The following TMTC2 variants were observed in gnomAD, a reference collection of about 807,000 sequenced individuals.
TMTC2 encodes transmembrane O-mannosyltransferase targeting cadherins 2.
A neutral mutation model predicts 82.4 loss-of-function variants in TMTC2; 43 were observed. The observed-to-expected ratio is 0.52, with a 90% CI of 0.41 to 0.67. The LOEUF is 0.67. Among genes scored for constraint, TMTC2 ranks in the 30% least tolerant of loss-of-function variants. TMTC2 has a pLI of 0.00. For missense variants in TMTC2, 919 were observed against 1,012.4 expected (o/e 0.91, Z 1.25); for synonymous variants, 408 against 381.9 (o/e 1.07, Z -0.80).
At chr12:83,122,841 T>C (rs996675162) in intron 11 of TMTC2, among the ~76,000 whole-genome samples, 2 of 152,206 alleles carry the variant, frequency 1.3e-5, no homozygotes, top group Non-Finnish European at 2.9e-5. Context: ...CTGCCTCCCG[T>C]CTGCCATGAT....
At chr12:82,714,236 T>C (rs1323638315) in intron 1 of TMTC2, among the ~76,000 whole-genome samples, 1 of 152,248 alleles carries the variant, frequency 6.6e-6, no homozygotes, top group African/African-American at 2.4e-5. Context: ...TTTATGGTGA[T>C]GGTTGCACCA....
chr12:82,873,266 A>G (rs1397096708), intron 2 of TMTC2, among the ~76,000 whole-genome samples: 2 of 146,842 alleles, frequency 1.4e-5, no homozygotes, highest in Non-Finnish European at 3.0e-5. Context: ...TCCAAGTTTA[A>G]CAGGATCTGT....
intron 1 of TMTC2, among the ~76,000 whole-genome samples, chr12:82,757,552 G>A (rs1018924978): frequency 5.9e-5 from 9 of 152,130 alleles, no homozygotes; most frequent in African/African-American, 1.9e-4. Context: ...AATCCAGCCT[G>A]TACAGTGCTT....
Position 82,687,555 on chromosome 12 carries a change from G to C in TMTC2, c.-32G>C, listed in dbSNP as rs1872377517. 3 of 1,580,562 alleles carry C rather than the reference G, an allele frequency of 1.9e-6. No individual in the cohort carries two copies. In the East Asian group the frequency reaches 6.8e-5, roughly 36 times the overall value. ...TTGTTGCCGCTGCTGCCCTCGCGCT[G>C]GGAGCCGAGCCGGAGGGAAGGCGGT... is the stretch of plus-strand genomic sequence containing the variant. On this transcript the variant is annotated 5_prime_UTR_variant, in exon 1 of 12. Coordinates refer to ENST00000321196, the MANE Select transcript of TMTC2 (RefSeq NM_152588.3).
intron 11 of TMTC2, among the ~76,000 whole-genome samples, chr12:83,118,994 T>A (rs376367227): frequency 6.6e-5 from 10 of 152,330 alleles, no homozygotes; most frequent in East Asian, 5.8e-4. Context: ...GTAGTGTCAG[T>A]TGTAATATCT....
intron 1 of TMTC2, among the ~76,000 whole-genome samples, chr12:82,696,194 C>T (rs1347080916): frequency 6.6e-6 from 1 of 151,974 alleles, no homozygotes; most frequent in Non-Finnish European, 1.5e-5. Flanking sequence ...CTTAATCAGG[C>T]AAAAAGACAT....
At position 82,794,932 on chromosome 12, in the gene TMTC2, A is replaced by C. The variant is rs139201345; in HGVS notation, c.84-62078A>C. Among the ~76,000 whole-genome samples, 537 of 152,268 alleles carry C rather than the reference A, an allele frequency of 3.5e-3. 5 individuals are homozygous for C. Among genetic ancestry groups the C allele is most frequent in the African/African-American group, 0.012 (519 of 41,564 alleles). On this transcript the variant is annotated intron_variant, in intron 1 of 11. Coordinates refer to ENST00000321196, the MANE Select transcript of TMTC2 (RefSeq NM_152588.3). ...GATGCTAATAGAAATCCTTTGGAAA[A>C]ATAAATAAAAGGAGGCCGGGATTCT...
chr12:82,717,692 T>C (rs1389811408), intron 1 of TMTC2, among the ~76,000 whole-genome samples: 1 of 152,208 alleles, frequency 6.6e-6, no homozygotes, highest in Non-Finnish European at 1.5e-5. Flanking sequence ...GTACCTCTAT[T>C]ATTTATCCAG....
rs189329524 is a variant in TMTC2, at chr12:83,037,693, C to T, written c.2152+6814C>T. Among the ~76,000 whole-genome samples the T allele has an allele frequency of 7.9e-5, 12 of 152,114 alleles. No individual in the cohort carries two copies. The East Asian group carries it at 2.3e-3, about 29-fold the overall frequency. ...ATCTAATAAATTAATACAATTTAAT[C>T]TTCATACCTTCGTGTATTTTACATA... On this transcript the variant is annotated intron_variant, in intron 9 of 11. Coordinates refer to ENST00000321196, the MANE Select transcript of TMTC2 (RefSeq NM_152588.3).
At chr12:83,058,248 T>C (rs1882615356) in intron 10 of TMTC2, among the ~76,000 whole-genome samples, 1 of 151,930 alleles carries the variant, frequency 6.6e-6, no homozygotes, top group Admixed American at 6.6e-5. Flanking sequence ...TGAGTTTTGT[T>C]ATTGTCTGTT....
At chr12:82,722,319 C>A (rs1167305901) in intron 1 of TMTC2, among the ~76,000 whole-genome samples, 1 of 150,754 alleles carries the variant, frequency 6.6e-6, no homozygotes, top group Non-Finnish European at 1.5e-5. Flanking sequence ...CTTTGGGAGG[C>A]CAAGGTGGGC....
Position 83,080,428 on chromosome 12 carries a change from T to A in TMTC2, c.2331+18597T>A, listed in dbSNP as rs149854863. Among the ~76,000 whole-genome samples the A allele has an allele frequency of 7.8e-3, 1,167 of 149,882 alleles. 13 individuals carry two copies. The highest frequency in any genetic ancestry group is 0.012 in the Non-Finnish European group (823 of 68,000). On this transcript the variant is annotated intron_variant, in intron 11 of 11. Coordinates refer to ENST00000321196, the MANE Select transcript of TMTC2 (RefSeq NM_152588.3). ...TGAATGATTAGCTAAGATTTTTATA[T>A]CTGTAATTTGTAGAATAAACACGAT...
chr12:83,043,103 AG>A (rs2137443056), intron 9 of TMTC2, among the ~76,000 whole-genome samples: 1 of 152,366 alleles, frequency 6.6e-6, no homozygotes, highest in African/African-American at 2.4e-5. Flanking sequence ...TAGAGAGATT[AG>A]TCTGAAAGAG....
chr12:82,701,641 A>AGTT (rs1873089034), intron 1 of TMTC2, among the ~76,000 whole-genome samples: 1 of 150,238 alleles, frequency 6.7e-6, no homozygotes, highest in Non-Finnish European at 1.5e-5. Context: ...CAAGCCTGTA[A>AGTT]CCCCAGCTAC....
intron 1 of TMTC2, among the ~76,000 whole-genome samples, chr12:82,826,844 T>C (rs1869448734): frequency 6.6e-6 from 1 of 152,216 alleles, no homozygotes; most frequent in Non-Finnish European, 1.5e-5. Flanking sequence ...TGGAGCCCTA[T>C]CCATATTTAT....
At chr12:82,959,137 T>C (rs1877776862) in intron 4 of TMTC2, among the ~76,000 whole-genome samples, 1 of 152,128 alleles carries the variant, frequency 6.6e-6, no homozygotes, top group African/African-American at 2.4e-5. Flanking sequence ...GAAAGTTCTC[T>C]ACAAGTAAAA....
At chr12:83,005,732 G>T (rs1370791516) in intron 8 of TMTC2, among the ~76,000 whole-genome samples, 9 of 152,152 alleles carry the variant, frequency 5.9e-5, no homozygotes, top group Non-Finnish European at 1.3e-4. Flanking sequence ...CCCAGGGTGG[G>T]GTTGCTCCCA....
At chr12:83,067,150 C>A (rs1035967564) in intron 11 of TMTC2, among the ~76,000 whole-genome samples, 3 of 151,744 alleles carry the variant, frequency 2.0e-5, no homozygotes, top group Non-Finnish European at 2.9e-5. Flanking sequence ...GAGCAGGGAA[C>A]CCTGCTGTAA....
At position 82,802,162 on chromosome 12, in the gene TMTC2, C is replaced by A. The variant is rs1040043980; in HGVS notation, c.84-54848C>A. On this transcript the variant is annotated intron_variant, in intron 1 of 11. Coordinates refer to ENST00000321196, the MANE Select transcript of TMTC2 (RefSeq NM_152588.3). ...TAGGCTGCAGGTCCCGAGCCCTGCC[C>A]CGTGGGGAGGCAGCTAAGGCCCCGT... Among the ~76,000 whole-genome samples the A allele has an allele frequency of 2.0e-5, 3 of 152,148 alleles. No individual in the cohort carries two copies. The East Asian group carries it at 5.8e-4, about 29-fold the overall frequency.
Sources: gnomAD v4.1 joint callset for allele counts (sites outside exome capture counted in the v4.1 genomes callset) on GRCh38, gnomAD v4.1.1 for gene constraint, MANE v1.5 for transcripts, NCBI Gene and HGNC (gene_info 2026-07-23, HGNC 2026-07-21) for gene names.